GLRX3: variants seen among roughly 807,000 people sequenced by gnomAD.
GLRX3 encodes the protein glutaredoxin-3.
GLRX3 carries 22 observed loss-of-function variants against 49.5 expected under a neutral mutation model. The observed-to-expected ratio is 0.44, with a 90% CI of 0.32 to 0.63. The LOEUF (loss-of-function observed/expected upper bound fraction) is 0.63, where lower values mean the gene tolerates loss of function less well. GLRX3 is among the 30% of genes least tolerant of loss of function. The pLI, the probability that GLRX3 is intolerant of heterozygous loss-of-function variation, is 0.05. For synonymous variants in GLRX3, 133 were observed against 140.0 expected (o/e 0.95, Z 0.35); for missense variants, 385 against 396.3 (o/e 0.97, Z 0.24).
In GLRX3 at chr10:130,136,472, T is replaced by C; in HGVS notation, c.52T>C (p.Ser18Pro). The C allele has an allele frequency of 7.9e-7, 1 of 1,265,606 alleles. No individual in the cohort carries two copies. The highest frequency in any genetic ancestry group is 1.0e-6 in the Non-Finnish European group (1 of 999,542). The allele number at this position is 1,265,606 out of a possible 1,614,324, so 78.4% of individuals were successfully genotyped here. A position where few individuals can be genotyped will look rare whatever the true frequency, so the allele number is the denominator to read the frequency against. The change falls in exon 1 of 11, where the codon TCA becomes CCA. Residue 18 changes from serine to proline, a missense_variant. By Grantham distance (74) the Ser-to-Pro change is moderately conservative. This residue lies in a region of GLRX3 where 374 missense variants were observed against 358.6 expected (regional missense o/e 1.04). Coordinates refer to ENST00000331244, the MANE Select transcript of GLRX3 (RefSeq NM_006541.5). ...AAVAAVEEVG[S>P]AGQFEELLRL... is the part of the protein sequence containing the mutation. ...TGTAGCGGCCGTGGAGGAGGTCGGC[T>C]CAGCCGGGCAGTTTGAGGAGCTGCT...
At chr10:130,178,739 C>T (rs945810957) in intron 10 of GLRX3, among the ~76,000 whole-genome samples, 1 of 152,000 alleles carries the variant, frequency 6.6e-6, no homozygotes, top group African/African-American at 2.4e-5. Flanking sequence ...GAGTCTCGCT[C>T]TAGCCCAGGC....
chr10:130,169,666 T>G (rs1341670979), intron 7 of GLRX3, among the ~76,000 whole-genome samples, 176 bp downstream of exon 7: 1 of 152,256 alleles, frequency 6.6e-6, no homozygotes, highest in African/African-American at 2.4e-5. Flanking sequence ...ACATTTTGCT[T>G]GACTTTATCA....
Position 130,166,979 on chromosome 10 carries a change from A to G in GLRX3, c.712A>G (p.Arg238Gly). The G allele has an allele frequency of 6.4e-7, 1 of 1,561,518 alleles. No homozygotes were observed. Among genetic ancestry groups the G allele is most frequent in the Non-Finnish European group, 8.8e-7 (1 of 1,140,462 alleles). Reference protein sequence around the residue: ...ICPKAPKLEERLKVLTNKASV... With the variant: ...ICPKAPKLEEGLKVLTNKASV... ...TCCCAAAGCTCCCAAATTAGAGGAAAGGTAAGTGTTTTAGAAGGTTTCAAA... is the reference window on the plus strand; with the variant it reads ...TCCCAAAGCTCCCAAATTAGAGGAAGGGTAAGTGTTTTAGAAGGTTTCAAA... The change falls in exon 6 of 11, where the codon AGG (arginine) becomes GGG (glycine). Residue 238 changes from arginine (R) to glycine (G), a missense_variant and splice_region_variant. By Grantham distance (125) the Arg-to-Gly change is moderately radical. Transcript: ENST00000331244.
Position 130,136,453 on chromosome 10 carries a change from G to T in GLRX3, c.33G>T (p.Ala11=). The T allele has an allele frequency of 7.9e-7, 1 of 1,262,758 alleles. No individual in the cohort carries two copies. The highest frequency in any genetic ancestry group is 4.0e-5 in the Admixed American group (1 of 24,744). The allele number at this position is 1,262,758 out of a possible 1,614,324, so 78.2% of individuals were successfully genotyped here. A position where few individuals can be genotyped will look rare whatever the true frequency, so the allele number is the denominator to read the frequency against. The change falls in exon 1 of 11, where the codon GCG becomes GCT. Residue 11 remains alanine, a synonymous_variant. Coordinates refer to ENST00000331244, the MANE Select transcript of GLRX3 (RefSeq NM_006541.5). ...CGGGGGCGGCTGAGGCAGCTGTAGCGGCCGTGGAGGAGGTCGGCTCAGCCG... is the reference window on the plus strand; with the variant it reads ...CGGGGGCGGCTGAGGCAGCTGTAGCTGCCGTGGAGGAGGTCGGCTCAGCCG... MAAGAAEAAV[A]AVEEVGSAGQ... is the part of the protein sequence containing the mutation.
intron 2 of GLRX3, among the ~76,000 whole-genome samples, chr10:130,146,787 C>A (rs954808747): frequency 6.6e-6 from 1 of 152,196 alleles, no homozygotes; most frequent in African/African-American, 2.4e-5. Flanking sequence ...ATAACATCAA[C>A]TGTATTGGTC....
intron 1 of GLRX3, among the ~76,000 whole-genome samples, chr10:130,137,032 C>T (rs1862069022): frequency 6.6e-6 from 1 of 152,254 alleles, no homozygotes; most frequent in Non-Finnish European, 1.5e-5. Context: ...ACGCCCCTGT[C>T]GCAGGAAGAG....
intron 4 of GLRX3, among the ~76,000 whole-genome samples, chr10:130,164,679 G>A (rs1381099373): frequency 1.3e-5 from 2 of 152,166 alleles, no homozygotes. Context: ...CTAGAATAAA[G>A]CCTTCTTGCC....
At chr10:130,166,810 A>C (rs894186714) in intron 5 of GLRX3, 109 bp from the exon 6 acceptor site, 3 of 903,738 alleles carry the variant, frequency 3.3e-6, no homozygotes, top group African/African-American at 3.4e-5. Context: ...CAATGAATAC[A>C]CAGTATTTCT....
At chr10:130,160,612 G>A (rs762340111) in intron 3 of GLRX3, among the ~76,000 whole-genome samples, 184 bp from the exon 4 acceptor site, 8 of 152,112 alleles carry the variant, frequency 5.3e-5, no homozygotes, top group Non-Finnish European at 1.0e-4. Context: ...TGTTTTCTCA[G>A]TGTGTTTCTG....
chr10:130,179,136 C>A (rs1353563409), intron 10 of GLRX3, among the ~76,000 whole-genome samples: 1 of 152,172 alleles, frequency 6.6e-6, no homozygotes, highest in Non-Finnish European at 1.5e-5. Context: ...CCACACCTGG[C>A]CAAGAATACC....
At position 130,179,398 on chromosome 10, in the gene GLRX3, C is replaced by T. The variant is rs772841652; in HGVS notation, c.*6C>T. On this transcript the variant is annotated 3_prime_UTR_variant, in exon 11 of 11. Transcript: ENST00000331244. ...TACTGAGAGGAGAAAATTAATAAATCTTAAACTTGGTGCCCAACTATTGTA... is the reference window on the plus strand; with the variant it reads ...TACTGAGAGGAGAAAATTAATAAATTTTAAACTTGGTGCCCAACTATTGTA... The T allele has an allele frequency of 6.9e-7, 1 of 1,443,124 alleles. No homozygotes were observed. The allele number at this position is 1,443,124 out of a possible 1,614,324, so 89.4% of individuals were successfully genotyped here. A position where few individuals can be genotyped will look rare whatever the true frequency, so the allele number is the denominator to read the frequency against.
In GLRX3 at chr10:130,160,991, C is replaced by T. The variant is rs753742091; in HGVS notation, c.472C>T (p.Arg158Cys). ...LFMKGTPQEPRCGFSKQMVEI... is the reference protein window; with the variant it reads ...LFMKGTPQEPCCGFSKQMVEI... Reference sequence around the variant, plus strand: ...TATGAAAGGAACTCCTCAAGAACCACGCTGTGGTAAGAAGCTGCCTTTAAC... The same window carrying T: ...TATGAAAGGAACTCCTCAAGAACCATGCTGTGGTAAGAAGCTGCCTTTAAC... Residue 158 changes from arginine (R) to cysteine (C), a missense_variant, in exon 4 of 11, where the codon CGC (arginine) becomes TGC (cysteine). By Grantham distance (180) the Arg-to-Cys change is radical (BLOSUM62 -3). Transcript: ENST00000331244. 31 of 1,610,524 alleles carry T rather than the reference C, an allele frequency of 1.9e-5. 1 individual carries two copies. The Middle Eastern group carries it at 2.2e-3, about 116-fold the overall frequency.
rs1361884488 is a variant in GLRX3, at chr10:130,169,619, C to T, written c.771+129C>T. On this transcript the variant is annotated intron_variant, in intron 7 of 10. Transcript: ENST00000331244. ...AGCGATATCAGGAAGTTATCCACGC[C>T]TTAATTGGTGCTTACGGAGATCAAA... The T allele has an allele frequency of 1.1e-5, 7 of 664,746 alleles. No homozygotes were observed. In the East Asian group the frequency reaches 1.9e-4, roughly 18 times the overall value. 41.2% of individuals were successfully genotyped at this position (664,746 alleles called of 1,614,324 possible).
At chr10:130,141,681 A>C (rs902239850) in intron 1 of GLRX3, among the ~76,000 whole-genome samples, 2 of 152,208 alleles carry the variant, frequency 1.3e-5, no homozygotes, top group Admixed American at 6.5e-5. Flanking sequence ...ATTCTGTTGT[A>C]TGAATGTCTA....
intron 2 of GLRX3, among the ~76,000 whole-genome samples, chr10:130,159,589 G>C (rs1564994048): frequency 6.6e-6 from 1 of 152,212 alleles, no homozygotes; most frequent in Non-Finnish European, 1.5e-5. Context: ...CTTGAAATTA[G>C]TCAATAGAGC....
intron 2 of GLRX3, among the ~76,000 whole-genome samples, chr10:130,155,672 A>G (rs976203129): frequency 3.9e-5 from 6 of 152,122 alleles, no homozygotes; most frequent in African/African-American, 7.2e-5. Flanking sequence ...TGTTGAGTGT[A>G]TAGTCTGGAG....
At chr10:130,161,354 A>G (rs1590067402) in intron 4 of GLRX3, among the ~76,000 whole-genome samples, 1 of 152,118 alleles carries the variant, frequency 6.6e-6, no homozygotes. Flanking sequence ...TTGCCTGTTT[A>G]TCTACTTTTG....
At chr10:130,152,876 G>A (rs1862404604) in intron 2 of GLRX3, among the ~76,000 whole-genome samples, 1 of 152,150 alleles carries the variant, frequency 6.6e-6, no homozygotes, top group South Asian at 2.1e-4. Flanking sequence ...AGTTCTCCTG[G>A]ATAATATCCT....
chr10:130,136,591 G>A (rs1336710537), intron 1 of GLRX3, 79 bp downstream of exon 1: 14 of 1,235,940 alleles, frequency 1.1e-5, no homozygotes, highest in Non-Finnish European at 1.3e-5. Context: ...GGGGCGGCGG[G>A]TGGCCCAGCC....
Sources: gnomAD v4.1 joint callset for allele counts (sites outside exome capture counted in the v4.1 genomes callset) on GRCh38, gnomAD v4.1.1 for gene constraint, gnomAD v4.1.1 regional missense constraint, MANE v1.5 for transcripts, NCBI Gene and HGNC (gene_info 2026-07-23, HGNC 2026-07-21) for gene names.